Variants in UBE2H observed in about 807,000 individuals in gnomAD.
The protein encoded by UBE2H is ubiquitin conjugating enzyme E2 H.
A neutral mutation model predicts 29.0 loss-of-function variants in UBE2H; 3 were observed. The observed-to-expected ratio is 0.10, with a 90% CI of 0.05 to 0.27. UBE2H has a LOEUF of 0.27. UBE2H is among the 10% of genes least tolerant of loss of function. UBE2H has a pLI of 1.00. For missense variants in UBE2H, 68 were observed against 228.2 expected (o/e 0.30, Z 4.52); for synonymous variants, 69 against 82.9 (o/e 0.83, Z 0.91).
At chr7:129,942,302 AG>A (rs1442674031) in intron 1 of UBE2H, among the ~76,000 whole-genome samples, 1 of 151,614 alleles carries the variant, frequency 6.6e-6, no homozygotes, top group Non-Finnish European at 1.5e-5. Flanking sequence ...TGGGAGGCCA[AG>A]GCAGGGGGAT....
intron 5 of UBE2H, among the ~76,000 whole-genome samples, chr7:129,854,975 T>C (rs891891932): frequency 1.3e-5 from 2 of 151,624 alleles, no homozygotes; most frequent in Non-Finnish European, 2.9e-5. Flanking sequence ...CTAAGAAGTG[T>C]CCAGAAAAGA....
chr7:129,851,591 A>T (rs1268150038), intron 5 of UBE2H, among the ~76,000 whole-genome samples: 1 of 152,244 alleles, frequency 6.6e-6, no homozygotes, highest in African/African-American at 2.4e-5. Flanking sequence ...TTACATTTAC[A>T]TATAATCAAG....
intron 5 of UBE2H, among the ~76,000 whole-genome samples, chr7:129,855,468 A>C (rs923655503): frequency 1.3e-5 from 2 of 152,216 alleles, no homozygotes; most frequent in Non-Finnish European, 2.9e-5. Flanking sequence ...TCAAGCTCGG[A>C]GTGTATGTTC....
rs186520445 is a variant in UBE2H at position 129,894,271 on chromosome 7, T to C, written c.54-13300A>G. 1.1e-3 allele frequency among the ~76,000 whole-genome samples: 164 copies of C among 152,208 alleles called. 1 individual carries two copies. The highest frequency in any genetic ancestry group is 3.8e-3 in the African/African-American group (156 of 41,546). On this transcript the variant is annotated intron_variant, in intron 1 of 6. Transcript: ENST00000355621. ...AACTCTGATACCAGCTTGGGCAATA[T>C]GGTGAAACACCATCTCTACAAAAAA... is the stretch of plus-strand genomic sequence containing the variant.
intron 1 of UBE2H, among the ~76,000 whole-genome samples, chr7:129,945,575 T>G (rs1302303214): frequency 1.3e-5 from 2 of 152,124 alleles, no homozygotes; most frequent in African/African-American, 4.8e-5. Context: ...TTAAATATTT[T>G]AATTCAAATG....
chr7:129,936,804 G>GGA (rs1807539083), intron 1 of UBE2H, among the ~76,000 whole-genome samples: 1 of 78,026 alleles, frequency 1.3e-5, no homozygotes, highest in African/African-American at 4.9e-5. Flanking sequence ...TCTCTACTAG[G>GGA]AAAAAAAAAA....
intron 1 of UBE2H, among the ~76,000 whole-genome samples, chr7:129,934,232 G>A (rs1254150492): frequency 1.3e-5 from 2 of 152,118 alleles, no homozygotes; most frequent in African/African-American, 2.4e-5. Flanking sequence ...TGAGGCAGGA[G>A]GACCGCTTGA....
At chr7:129,931,261 G>A (rs914376380) in intron 1 of UBE2H, among the ~76,000 whole-genome samples, 7 of 150,956 alleles carry the variant, frequency 4.6e-5, no homozygotes, top group Admixed American at 1.3e-4. Context: ...GGTGGTATGC[G>A]CCTGTAATCC....
intron 1 of UBE2H, among the ~76,000 whole-genome samples, chr7:129,884,770 G>C (rs572264819): frequency 1.3e-5 from 2 of 152,130 alleles, no homozygotes; most frequent in South Asian, 4.1e-4. Context: ...TTTTTGTAGA[G>C]ACAGGGTCTC....
chr7:129,894,236 T>C (rs1307518730), intron 1 of UBE2H, among the ~76,000 whole-genome samples: 2 of 152,170 alleles, frequency 1.3e-5, no homozygotes, highest in Non-Finnish European at 2.9e-5. Flanking sequence ...GGCAGATCTT[T>C]TGAGCTTAGA....
intron 1 of UBE2H, among the ~76,000 whole-genome samples, chr7:129,938,065 A>G (rs1807566266): frequency 6.6e-6 from 1 of 152,156 alleles, no homozygotes; most frequent in South Asian, 2.1e-4. Context: ...ACTACTACAC[A>G]TACTGAAAAT....
chr7:129,833,828 C>A lies in UBE2H; in HGVS notation c.*1109G>T, dbSNP rs1324799673. ...CAAGCAGATGATGACCAGGCTGCTGCCAAGAGCAGCAGAAAAAGGGAAAAC... is the reference window on the plus strand; with the variant it reads ...CAAGCAGATGATGACCAGGCTGCTGACAAGAGCAGCAGAAAAAGGGAAAAC... On this transcript the variant is annotated 3_prime_UTR_variant, in exon 7 of 7. Transcript: ENST00000355621. 6.6e-6 allele frequency: 1 copy of A among 152,024 alleles called. No individual in the cohort carries two copies. The highest frequency in any genetic ancestry group is 1.5e-5 in the Non-Finnish European group (1 of 68,020). 9.4% of individuals were successfully genotyped at this position (152,024 alleles called of 1,614,324 possible).
chr7:129,840,887 T>C lies in UBE2H; in HGVS notation c.299-1552A>G, dbSNP rs963060025. Among the ~76,000 whole-genome samples the C allele has an allele frequency of 5.3e-5, 8 of 152,356 alleles. No homozygotes were observed. In the East Asian group the frequency reaches 1.5e-3, roughly 29 times the overall value. On this transcript the variant is annotated intron_variant, in intron 5 of 6. Coordinates refer to ENST00000355621, the MANE Select transcript of UBE2H (RefSeq NM_003344.4). ...CAGATGAATGCTTTGCCAAGCCACA[T>C]TGCTTGAGATTTGTGGTTCTCAGCC...
chr7:129,938,809 T>G (rs904380075), intron 1 of UBE2H, among the ~76,000 whole-genome samples: 13 of 144,298 alleles, frequency 9.0e-5, no homozygotes, highest in Middle Eastern at 3.4e-3. Flanking sequence ...GTTTTTTTTG[T>G]TTTTTTTTGA....
intron 3 of UBE2H, 27 bp downstream of exon 3, chr7:129,879,540 TA>T (rs1251780248): frequency 6.3e-7 from 1 of 1,597,152 alleles, no homozygotes; most frequent in Non-Finnish European, 8.6e-7. Context: ...CAAAACTCTC[TA>T]AGGAGAAAAA....
rs1171897255 is a variant in UBE2H, at chr7:129,936,804, GAAAAAAAAAAAA to G, written c.53+15687_53+15698del. ...CATGGTGAAACCCCGTCTCTACTAG[GAAAAAAAAAAAA>G]AAAAAAAAAAAGTTAGCCAGGTGTG... is the stretch of plus-strand genomic sequence containing the variant. On this transcript the variant is annotated intron_variant, in intron 1 of 6. Coordinates refer to ENST00000355621, the MANE Select transcript of UBE2H (RefSeq NM_003344.4). Among the ~76,000 whole-genome samples, 633 of 78,018 alleles carry G rather than the reference GAAAAAAAAAAAA, an allele frequency of 8.1e-3. 5 individuals carry two copies. The highest frequency in any genetic ancestry group is 0.029 in the African/African-American group (599 of 20,560). The allele number at this position is 78,018 out of a possible 152,430, so 51.2% of individuals were successfully genotyped here. A position where few individuals can be genotyped will look rare whatever the true frequency, so the allele number is the denominator to read the frequency against.
intron 1 of UBE2H, among the ~76,000 whole-genome samples, chr7:129,891,975 C>T (rs532042688): frequency 1.2e-4 from 13 of 110,870 alleles, no homozygotes; most frequent in East Asian, 9.7e-4. Flanking sequence ...TTTTTTGAGA[C>T]GGAGTCTTGC....
intron 1 of UBE2H, among the ~76,000 whole-genome samples, chr7:129,925,636 T>C (rs1245905227): frequency 1.3e-5 from 2 of 152,174 alleles, no homozygotes; most frequent in East Asian, 3.8e-4. Flanking sequence ...GAGACACTTC[T>C]AGCTCAGGAT....
chr7:129,861,364 C>CT (rs1805798718), intron 3 of UBE2H, among the ~76,000 whole-genome samples: 1 of 152,114 alleles, frequency 6.6e-6, no homozygotes, highest in African/African-American at 2.4e-5. Context: ...GTGTAGAATT[C>CT]TTAGTGGTGG....
Sources: gnomAD v4.1 joint callset for allele counts (sites outside exome capture counted in the v4.1 genomes callset) on GRCh38, gnomAD v4.1.1 for gene constraint, MANE v1.5 for transcripts, NCBI Gene and HGNC (gene_info 2026-07-23, HGNC 2026-07-21) for gene names.